The following FA2H variants were observed in gnomAD, a reference collection of about 807,000 sequenced individuals.
FA2H encodes the protein fatty acid alpha-hydroxylase.
A neutral mutation model predicts 44.9 loss-of-function variants in FA2H; 22 were observed. The observed-to-expected ratio is 0.49, with a 90% confidence interval of 0.35 to 0.70. The LOEUF is 0.70. Among genes scored for constraint, FA2H ranks in the 30% least tolerant of loss-of-function variants. FA2H has a pLI of 0.01. For missense variants in FA2H, 501 were observed against 504.9 expected (o/e 0.99, Z 0.07); for synonymous variants, 243 against 213.2 (o/e 1.14, Z -1.22).
chr16:74,727,666 C>T lies in FA2H; in HGVS notation c.364-280G>A, dbSNP rs111733379. Among the ~76,000 whole-genome samples the T allele has an allele frequency of 3.6e-3, 541 of 152,334 alleles. 4 individuals are homozygous for T. The highest frequency in any genetic ancestry group is 0.012 in the African/African-American group (518 of 41,572). On this transcript the variant is annotated intron_variant, in intron 2 of 6. Transcript: ENST00000219368. ...TGTTGGAGGTGCTAAATCGGCAGGG[C>T]ATGAGCCTGGATTTACTAGCAGAGC...
chr16:74,769,524 A>G (rs1962867099), intron 1 of FA2H, among the ~76,000 whole-genome samples: 1 of 152,240 alleles, frequency 6.6e-6, no homozygotes. Context: ...CAAGTGGTAC[A>G]CCAAATTGGT....
chr16:74,773,117 C>G (rs140418247), intron 1 of FA2H, among the ~76,000 whole-genome samples: 46 of 152,290 alleles, frequency 3.0e-4, no homozygotes, highest in Middle Eastern at 3.4e-3. Context: ...CTCGAGCGAT[C>G]CTCTTACCTC....
At chr16:74,752,480 A>G (rs1567646814) in intron 1 of FA2H, among the ~76,000 whole-genome samples, 1 of 152,066 alleles carries the variant, frequency 6.6e-6, no homozygotes, top group Non-Finnish European at 1.5e-5. Context: ...GTCATGCCTC[A>G]GGGCCTTTGC....
At chr16:74,728,439 G>C (rs911218197) in intron 2 of FA2H, among the ~76,000 whole-genome samples, 1 of 152,102 alleles carries the variant, frequency 6.6e-6, no homozygotes, top group African/African-American at 2.4e-5. Context: ...TTTTGGTTTG[G>C]AGTTCATCAA....
At chr16:74,767,788 C>G (rs568394374) in intron 1 of FA2H, among the ~76,000 whole-genome samples, 3 of 152,184 alleles carry the variant, frequency 2.0e-5, no homozygotes, top group Non-Finnish European at 4.4e-5. Flanking sequence ...CTTTAAGCCA[C>G]CGAGTTTGTG....
chr16:74,720,893 T>A (rs915447211), intron 4 of FA2H, among the ~76,000 whole-genome samples: 1 of 152,252 alleles, frequency 6.6e-6, no homozygotes, highest in Non-Finnish European at 1.5e-5. Context: ...TCACCCATGT[T>A]GTAACATGTA....
chr16:74,774,227 T>G (rs1962964861), intron 1 of FA2H, among the ~76,000 whole-genome samples: 1 of 150,880 alleles, frequency 6.6e-6, no homozygotes, highest in African/African-American at 2.4e-5. Context: ...GGAGGGGTGC[T>G]GGGGAAATGG....
intron 5 of FA2H, chr16:74,716,944 G>A (rs1961719301): frequency 3.5e-6 from 1 of 282,796 alleles, no homozygotes. Flanking sequence ...TGCTAGACAG[G>A]TATCCCATCC....
At chr16:74,718,156 G>A (rs1473226281) in intron 5 of FA2H, among the ~76,000 whole-genome samples, 2 of 152,198 alleles carry the variant, frequency 1.3e-5, no homozygotes, top group African/African-American at 2.4e-5. Context: ...TCGGCTCATC[G>A]AGATGAACCG....
In FA2H at chr16:74,757,332, T is replaced by C. The variant is rs572314001; in HGVS notation, c.270+17154A>G. Among the ~76,000 whole-genome samples the C allele has an allele frequency of 4.3e-4, 66 of 152,344 alleles. 1 individual carries two copies. The South Asian group carries it at 0.013, about 31-fold the overall frequency. ...ATCCATTGACAATGATTGAAAAGAC[T>C]GCTAACACACAGAATTGGTGAAAGT... On this transcript the variant is annotated intron_variant, in intron 1 of 6. Transcript: ENST00000219368.
Position 74,764,273 on chromosome 16 carries a change from G to T in FA2H, c.270+10213C>A, listed in dbSNP as rs147493864. Among the ~76,000 whole-genome samples the T allele has an allele frequency of 1.2e-3, 183 of 152,280 alleles. 1 individual carries two copies. Among genetic ancestry groups the T allele is most frequent in the African/African-American group, 4.2e-3 (175 of 41,552 alleles). ...ATCACAAAGACACATGTACATGTAT[G>T]TTCATTGCAGCACTGTTCACAACAG... On this transcript the variant is annotated intron_variant, in intron 1 of 6. Coordinates refer to ENST00000219368, the MANE Select transcript of FA2H (RefSeq NM_024306.5).
intron 5 of FA2H, chr16:74,717,050 C>G: frequency 5.7e-6 from 1 of 174,530 alleles, no homozygotes; most frequent in Admixed American, 5.5e-5. Flanking sequence ...CTGAGGGCAA[C>G]TGAGGTTAAT....
chr16:74,752,766 G>C (rs988958460), intron 1 of FA2H, among the ~76,000 whole-genome samples: 1 of 152,146 alleles, frequency 6.6e-6, no homozygotes, highest in Non-Finnish European at 1.5e-5. Flanking sequence ...AGACAAACTG[G>C]GGCCTTGGCC....
At chr16:74,753,219 G>T (rs892012632) in intron 1 of FA2H, among the ~76,000 whole-genome samples, 1 of 152,286 alleles carries the variant, frequency 6.6e-6, no homozygotes, top group East Asian at 1.9e-4. Context: ...AAGTCACACC[G>T]CCAGTTAGAT....
chr16:74,754,667 A>G (rs906426910), intron 1 of FA2H, among the ~76,000 whole-genome samples: 1 of 152,036 alleles, frequency 6.6e-6, no homozygotes, highest in African/African-American at 2.4e-5. Context: ...AGCTGAGACT[A>G]CAGGTGCACG....
At chr16:74,738,835 C>T (rs895177796) in intron 2 of FA2H, among the ~76,000 whole-genome samples, 6 of 152,244 alleles carry the variant, frequency 3.9e-5, no homozygotes, top group Admixed American at 2.0e-4. Flanking sequence ...CCCAGCTCGC[C>T]GGCTGCATGG....
chr16:74,730,578 G>C (rs530138030), intron 2 of FA2H, among the ~76,000 whole-genome samples: 1 of 151,930 alleles, frequency 6.6e-6, no homozygotes, highest in Admixed American at 6.6e-5. Flanking sequence ...CACCACAACC[G>C]CTACCACCAC....
chr16:74,733,918 C>T (rs1962129421), intron 2 of FA2H, among the ~76,000 whole-genome samples: 1 of 152,190 alleles, frequency 6.6e-6, no homozygotes, highest in Non-Finnish European at 1.5e-5. Flanking sequence ...GCCACCTGGC[C>T]CTGTATTGCC....
At chr16:74,746,823 G>C (rs1455447741) in intron 1 of FA2H, among the ~76,000 whole-genome samples, 1 of 152,132 alleles carries the variant, frequency 6.6e-6, no homozygotes, top group Non-Finnish European at 1.5e-5. Flanking sequence ...CATGGGGCAG[G>C]CATTCAGGGC....
Sources: allele counts gnomAD v4.1 joint callset (sites outside exome capture counted in the v4.1 genomes callset), GRCh38; gene constraint gnomAD v4.1.1; transcripts MANE v1.5; gene names NCBI Gene and HGNC (gene_info 2026-07-23, HGNC 2026-07-21).